The following MINK1 variants were observed in gnomAD, a reference collection of about 807,000 sequenced individuals.
MINK1 encodes misshapen-like kinase 1.
MINK1 carries 46 observed loss-of-function variants against 178.4 expected under a neutral mutation model. That is an observed-to-expected ratio of 0.26 (90% CI 0.20 to 0.33). MINK1 has a LOEUF of 0.33. MINK1 is among the 10% of genes least tolerant of loss of function. The pLI, the probability that MINK1 is intolerant of heterozygous loss-of-function variation, is 1.00. For synonymous variants in MINK1, 797 were observed against 709.7 expected (o/e 1.12, Z -1.96); for missense variants, 1,366 against 1,814.9 (o/e 0.75, Z 4.49).
intron 13 of MINK1, 60 bp from the exon 14 acceptor site, chr17:4,890,456 GC>G (rs749188412): frequency 3.9e-6 from 6 of 1,532,004 alleles, no homozygotes; most frequent in Non-Finnish European, 5.3e-6. Context: ...GAGAGGGCAT[GC>G]CTGCTCTAAC....
intron 1 of MINK1, among the ~76,000 whole-genome samples, chr17:4,843,884 C>A (rs1051637376): frequency 3.9e-5 from 6 of 152,140 alleles, no homozygotes; most frequent in Non-Finnish European, 8.8e-5. Context: ...TGGAGGGAGA[C>A]CTGCTCCCAC....
intron 1 of MINK1, among the ~76,000 whole-genome samples, chr17:4,860,032 G>A (rs1243720005): frequency 3.9e-5 from 5 of 129,222 alleles, no homozygotes; most frequent in African/African-American, 1.5e-4. Flanking sequence ...GGGAACTACT[G>A]GCCCCATGCG....
intron 1 of MINK1, among the ~76,000 whole-genome samples, chr17:4,842,450 C>T (rs2150753981): frequency 6.6e-6 from 1 of 152,300 alleles, no homozygotes; most frequent in Middle Eastern, 3.4e-3. Context: ...CCCCTGTGTA[C>T]TTCTTTCCAG....
intron 1 of MINK1, among the ~76,000 whole-genome samples, chr17:4,867,574 C>T (rs1233181546): frequency 2.0e-5 from 3 of 151,842 alleles, no homozygotes; most frequent in African/African-American, 7.3e-5. Flanking sequence ...CTAAGGTGGG[C>T]GGATCACCTG....
At chr17:4,891,164 G>A in intron 15 of MINK1, 40 bp downstream of exon 15, 1 of 1,465,840 alleles carries the variant, frequency 6.8e-7, no homozygotes, top group Non-Finnish European at 9.1e-7. Flanking sequence ...AAGACACAGG[G>A]AGCTTTGTTC....
At chr17:4,890,356 T>G (rs1156465202) in intron 13 of MINK1, 161 bp from the exon 14 acceptor site, 1 of 1,432,882 alleles carries the variant, frequency 7.0e-7, no homozygotes, top group Non-Finnish European at 9.1e-7. Flanking sequence ...TCAGAGCTTC[T>G]TTGCTGGAAC....
Position 4,896,164 on chromosome 17 carries a change from G to A in MINK1, c.3466-29G>A. On this transcript the variant is annotated intron_variant, in intron 28 of 31. Coordinates refer to ENST00000355280, the MANE Select transcript of MINK1 (RefSeq NM_153827.5). The surrounding 1 kb of genome is among the most constrained non-coding windows in gnomAD (Gnocchi z 4.6). ...TCCCAGCGCCTCTCCCCGTGCCCCT[G>A]AGCCCTCCTCTCCTCCGGTTCTCTG... The A allele has an allele frequency of 1.9e-6, 3 of 1,602,466 alleles. No homozygotes were observed. The South Asian group carries it at 3.4e-5, about 18-fold the overall frequency.
At chr17:4,840,756 T>C (rs903082523) in intron 1 of MINK1, among the ~76,000 whole-genome samples, 1 of 151,614 alleles carries the variant, frequency 6.6e-6, no homozygotes, top group Non-Finnish European at 1.5e-5. Context: ...ATGAGTGGGG[T>C]GTGGAGGGGG....
intron 1 of MINK1, chr17:4,859,355 T>A: frequency 1.1e-6 from 1 of 943,042 alleles, no homozygotes; most frequent in Non-Finnish European, 1.3e-6. Flanking sequence ...CTAACCTACC[T>A]GCTTCCCCTG....
intron 4 of MINK1, among the ~76,000 whole-genome samples, 188 bp from the exon 5 acceptor site, chr17:4,884,175 T>G (rs1165278879): frequency 1.3e-5 from 2 of 152,218 alleles, no homozygotes; most frequent in East Asian, 3.9e-4. Context: ...CCTTTTTCCC[T>G]CTCTGTCTTG....
rs751427998 is a variant in MINK1, at chr17:4,894,328, C to G, written c.2808+17C>G. ...AGTGGTGACGTAAGTGGGCCGGAGG[C>G]AGGTCCGCCGGGAGAGAAGAGCCCT... On this transcript the variant is annotated intron_variant, in intron 23 of 31. Coordinates refer to ENST00000355280, the MANE Select transcript of MINK1 (RefSeq NM_153827.5). This position sits in a 1 kb window ranked among gnomAD's most constrained non-coding sequence, Gnocchi z 4.1. 6.2e-7 allele frequency: 1 copy of G among 1,608,072 alleles called. No homozygotes were observed. The highest frequency in any genetic ancestry group is 8.5e-7 in the Non-Finnish European group (1 of 1,178,098).
intron 16 of MINK1, 101 bp from the exon 17 acceptor site, chr17:4,892,048 T>C (rs1022696160): frequency 4.1e-6 from 4 of 968,426 alleles, no homozygotes; most frequent in Middle Eastern, 2.1e-4. Context: ...AGTTTTCTCA[T>C]CCATCAAAGT....
In MINK1 at chr17:4,895,859, G is replaced by GC; in HGVS notation, c.3364+28dup. 1 of 1,608,722 alleles carries GC rather than the reference G, an allele frequency of 6.2e-7. No individual in the cohort carries two copies. The highest frequency in any genetic ancestry group is 8.5e-7 in the Non-Finnish European group (1 of 1,176,636). On this transcript the variant is annotated intron_variant, in intron 27 of 31. Coordinates refer to ENST00000355280, the MANE Select transcript of MINK1 (RefSeq NM_153827.5). This position sits in a 1 kb window ranked among gnomAD's most constrained non-coding sequence, Gnocchi z 4.3. ...TGAGGATGTCCCAACAGAGTGGCCA[G>GC]CGCATACTTGTTCATGAAGAGAGAA...
Position 4,891,143 on chromosome 17 carries a change from C to T in MINK1, c.1740+19C>T. On this transcript the variant is annotated intron_variant, in intron 15 of 31. Transcript: ENST00000355280. ...GCACAAGGTGAGTCTCTCCCCACCC[C>T]TGTCTTAATGAAGACACAGGGAGCT... 1.3e-6 allele frequency: 2 copies of T among 1,492,508 alleles called. No individual in the cohort carries two copies. The highest frequency in any genetic ancestry group is 1.8e-6 in the Non-Finnish European group (2 of 1,121,898). The allele number at this position is 1,492,508 out of a possible 1,614,324, so 92.5% of individuals were successfully genotyped here. A position where few individuals can be genotyped will look rare whatever the true frequency, so the allele number is the denominator to read the frequency against.
chr17:4,878,275 TC>T (rs1474526045), intron 1 of MINK1, 41 bp from the exon 2 acceptor site: 6 of 1,518,702 alleles, frequency 4.0e-6, no homozygotes, highest in Non-Finnish European at 5.3e-6. Context: ...GTAATCCTTT[TC>T]TAAAGTCTTG....
At chr17:4,834,650 C>G in intron 1 of MINK1, 1 of 441,828 alleles carries the variant, frequency 2.3e-6, no homozygotes, top group Non-Finnish European at 4.6e-6. Context: ...GGAGCTTTGG[C>G]TTAAGGGGCA....
At chr17:4,851,117 C>A (rs758216730) in intron 1 of MINK1, 1 of 431,172 alleles carries the variant, frequency 2.3e-6, no homozygotes, top group Non-Finnish European at 4.8e-6. Context: ...CACCCTAAAT[C>A]CCAGTAACGC....
At chr17:4,860,809 G>A (rs745454500) in intron 1 of MINK1, 2 of 519,926 alleles carry the variant, frequency 3.8e-6, no homozygotes, top group Admixed American at 3.9e-5. Context: ...TCCCTTAACT[G>A]TACAGCACCA....
At chr17:4,841,318 C>A (rs1910184159) in intron 1 of MINK1, among the ~76,000 whole-genome samples, 1 of 152,146 alleles carries the variant, frequency 6.6e-6, no homozygotes, top group African/African-American at 2.4e-5. Context: ...TGGGAAATTT[C>A]TCACACCGTC....
Sources: allele counts gnomAD v4.1 joint callset (sites outside exome capture counted in the v4.1 genomes callset), GRCh38; gene constraint gnomAD v4.1.1; non-coding constraint Gnocchi (gnomAD v3.1); transcripts MANE v1.5; gene names NCBI Gene and HGNC (gene_info 2026-07-23, HGNC 2026-07-21).